The following FAM178B variants were observed in gnomAD, a reference collection of about 807,000 sequenced individuals.
The protein encoded by FAM178B is protein FAM178B.
A neutral mutation model predicts 91.7 loss-of-function variants in FAM178B; 82 were observed. The observed-to-expected ratio is 0.89, with a 90% confidence interval of 0.75 to 1.07. The LOEUF (loss-of-function observed/expected upper bound fraction) is 1.07. FAM178B is among the 50% of genes least tolerant of loss of function. FAM178B has a pLI of 0.00. For missense variants in FAM178B, 769 were observed against 846.7 expected, an observed-to-expected ratio of 0.91 and a Z score of 1.14; for synonymous variants, 368 against 359.4, an observed-to-expected ratio of 1.02 and a Z score of -0.27.
chr2:96,882,853 C>T (rs1395863508), intron 14 of FAM178B, among the ~76,000 whole-genome samples: 2 of 152,224 alleles, frequency 1.3e-5, no homozygotes, highest in Non-Finnish European at 2.9e-5. Context: ...GGCTGGGAAG[C>T]CCTAATGGGA....
At chr2:96,889,389 C>T (rs555171136) in intron 14 of FAM178B, among the ~76,000 whole-genome samples, 1 of 152,248 alleles carries the variant, frequency 6.6e-6, no homozygotes, top group South Asian at 2.1e-4. Context: ...ATCAATAGAA[C>T]ATCAGTAGGC....
At chr2:96,959,615 G>A (rs1043184231) in intron 6 of FAM178B, among the ~76,000 whole-genome samples, 19 of 152,144 alleles carry the variant, frequency 1.2e-4, no homozygotes, top group Admixed American at 1.2e-3. Context: ...CAGCCCCACA[G>A]GGCACCAGCC....
intron 5 of FAM178B, among the ~76,000 whole-genome samples, chr2:96,961,121 G>A (rs1233161046): frequency 6.6e-6 from 1 of 152,150 alleles, no homozygotes; most frequent in Admixed American, 6.5e-5. Context: ...GACAAAGAAG[G>A]GACGAGGAGA....
intron 10 of FAM178B, 90 bp from the exon 11 acceptor site, chr2:96,921,744 G>T: frequency 1.5e-6 from 2 of 1,326,398 alleles, no homozygotes; most frequent in Non-Finnish European, 2.1e-6. Flanking sequence ...CACTTAGGCA[G>T]AAGGGATGGT....
At chr2:96,928,983 C>A (rs980380496) in intron 9 of FAM178B, among the ~76,000 whole-genome samples, 2 of 150,776 alleles carry the variant, frequency 1.3e-5, no homozygotes, top group Non-Finnish European at 1.5e-5. Context: ...GACCCCCCCC[C>A]GCCACCTCTA....
intron 6 of FAM178B, among the ~76,000 whole-genome samples, chr2:96,959,808 A>G (rs1053266140): frequency 1.3e-5 from 2 of 152,214 alleles, no homozygotes; most frequent in Non-Finnish European, 2.9e-5. Flanking sequence ...TACTCCCAAA[A>G]AGAATAAGAC....
chr2:96,916,933 CAGCCAGTA>C (rs1389130537), intron 12 of FAM178B, among the ~76,000 whole-genome samples: 1 of 152,228 alleles, frequency 6.6e-6, no homozygotes, highest in Non-Finnish European at 1.5e-5. Flanking sequence ...CCAGTGAAGG[CAGCCAGTA>C]AGCTCTGTGG....
intron 4 of FAM178B, among the ~76,000 whole-genome samples, chr2:96,969,111 T>C (rs1410725838): frequency 6.6e-6 from 1 of 152,136 alleles, no homozygotes; most frequent in Non-Finnish European, 1.5e-5. Context: ...ACAGTGTGGG[T>C]AGTATGAGAT....
rs1339128934 is a variant in FAM178B at position 96,921,472 on chromosome 2, T to C, written c.1464+6A>G. The C allele has an allele frequency of 6.4e-7, 1 of 1,551,628 alleles. No individual in the cohort carries two copies. Among genetic ancestry groups the C allele is most frequent in the East Asian group, 2.4e-5 (1 of 40,914 alleles). ...GTATGAGGACCAGGCTCTGGGCGTC[T>C]AGTACCTTCCCTGGCCACTCCCGGA... On this transcript the variant is annotated splice_donor_region_variant and intron_variant, in intron 11 of 16. Transcript: ENST00000490605.
At chr2:96,888,268 T>A (rs893069795) in intron 14 of FAM178B, among the ~76,000 whole-genome samples, 2 of 152,224 alleles carry the variant, frequency 1.3e-5, no homozygotes, top group Non-Finnish European at 2.9e-5. Context: ...GTTCTGAATA[T>A]CCATTTTCTG....
intron 16 of FAM178B, among the ~76,000 whole-genome samples, chr2:96,876,781 C>G (rs1429374709): frequency 6.6e-6 from 1 of 151,820 alleles, no homozygotes; most frequent in Non-Finnish European, 1.5e-5. Context: ...GGGGGGTGGT[C>G]CTCACCAGGT....
At chr2:96,970,623 G>T in intron 4 of FAM178B, 93 bp downstream of exon 4, 1 of 990,504 alleles carries the variant, frequency 1.0e-6, no homozygotes, top group Non-Finnish European at 1.6e-6. Context: ...GTGGGAGGCC[G>T]CTGTACTCCG....
chr2:96,967,835 A>G (rs897901034), intron 4 of FAM178B, among the ~76,000 whole-genome samples: 3 of 148,610 alleles, frequency 2.0e-5, no homozygotes, highest in Non-Finnish European at 3.0e-5. Flanking sequence ...AAATGAGCAG[A>G]GAGGAGCAAG....
Position 96,951,363 on chromosome 2 carries a change from G to A in FAM178B, c.993+16C>T. On this transcript the variant is annotated intron_variant, in intron 7 of 16. Transcript: ENST00000490605. ...GCAGCGCTCCCGCCACCTAGTGGCAGGCCTGCGGTCCTCACCTGGAACAGC... is the reference window on the plus strand; with the variant it reads ...GCAGCGCTCCCGCCACCTAGTGGCAAGCCTGCGGTCCTCACCTGGAACAGC... The A allele has an allele frequency of 6.5e-7, 1 of 1,537,380 alleles. No homozygotes were observed. The highest frequency in any genetic ancestry group is 8.8e-7 in the Non-Finnish European group (1 of 1,134,552).
intron 14 of FAM178B, among the ~76,000 whole-genome samples, chr2:96,891,504 A>C (rs528030863): frequency 1.3e-5 from 2 of 152,234 alleles, no homozygotes; most frequent in East Asian, 3.9e-4. Flanking sequence ...AGGACAAAGG[A>C]ATTAAAACTG....
chr2:96,956,439 G>A (rs1574300114), intron 6 of FAM178B, among the ~76,000 whole-genome samples: 1 of 152,190 alleles, frequency 6.6e-6, no homozygotes, highest in Admixed American at 6.5e-5. Context: ...ACAGCTGCTG[G>A]GACGCAGACG....
intron 6 of FAM178B, among the ~76,000 whole-genome samples, chr2:96,958,154 C>T (rs1413064558): frequency 1.3e-5 from 2 of 151,168 alleles, no homozygotes; most frequent in African/African-American, 4.9e-5. Flanking sequence ...CTGCAAGCTC[C>T]GCCTCCCGGA....
At chr2:96,912,718 G>A (rs551470490) in intron 12 of FAM178B, among the ~76,000 whole-genome samples, 8 of 152,230 alleles carry the variant, frequency 5.3e-5, no homozygotes, top group Middle Eastern at 3.4e-3. Context: ...CCACCTTCAC[G>A]CTGCTGTCTG....
chr2:96,964,126 G>A (rs1246738315), intron 5 of FAM178B, among the ~76,000 whole-genome samples: 1 of 151,060 alleles, frequency 6.6e-6, no homozygotes, highest in African/African-American at 2.4e-5. Context: ...GTTGCAGTGA[G>A]CCAAGATAAC....
Sources: allele counts gnomAD v4.1 joint callset (sites outside exome capture counted in the v4.1 genomes callset), GRCh38; gene constraint gnomAD v4.1.1; transcripts MANE v1.5; gene names NCBI Gene and HGNC (gene_info 2026-07-23, HGNC 2026-07-21).